SOX6: variants seen among roughly 807,000 people sequenced by gnomAD.
SOX6 encodes SRY-box transcription factor 6.
SOX6 carries 11 observed loss-of-function variants against 97.8 expected under a neutral mutation model. The observed-to-expected ratio is 0.11, with a 90% CI of 0.07 to 0.19. SOX6 has a LOEUF of 0.19. SOX6 is among the 10% of genes least tolerant of loss of function. SOX6 has a pLI of 1.00. For missense variants in SOX6, 810 were observed against 1,039.5 expected, an observed-to-expected ratio of 0.78 and a Z score of 3.04; for synonymous variants, 360 against 371.4, an observed-to-expected ratio of 0.97 and a Z score of 0.35.
chr11:16,167,999 A>G (rs970320511), intron 6 of SOX6, among the ~76,000 whole-genome samples: 31 of 152,298 alleles, frequency 2.0e-4, no homozygotes, highest in African/African-American at 7.2e-4. Context: ...GCTTAATGAA[A>G]GTTTGTCAAA....
intron 6 of SOX6, among the ~76,000 whole-genome samples, chr11:16,149,747 C>T (rs1850411352): frequency 6.6e-6 from 1 of 152,152 alleles, no homozygotes; most frequent in African/African-American, 2.4e-5. Flanking sequence ...GAGCAAGTGA[C>T]TTAGAAAGGC....
At chr11:16,547,063 TATC>T (rs1441047676) in intron 4 of SOX6, among the ~76,000 whole-genome samples, 1 of 152,184 alleles carries the variant, frequency 6.6e-6, no homozygotes, top group African/African-American at 2.4e-5. Flanking sequence ...CACAATGAGA[TATC>T]ATCTTGCCCC....
intron 1 of SOX6, among the ~76,000 whole-genome samples, chr11:16,362,173 T>C (rs994108547): frequency 6.6e-6 from 1 of 152,168 alleles, no homozygotes; most frequent in African/African-American, 2.4e-5. Context: ...AAGAGTATCT[T>C]GTGTTACAGA....
At chr11:16,025,509 C>T (rs1226559006) in intron 12 of SOX6, among the ~76,000 whole-genome samples, 2 of 152,066 alleles carry the variant, frequency 1.3e-5, no homozygotes, top group African/African-American at 4.8e-5. Flanking sequence ...ATGTCTTTGT[C>T]CAAAAAGGTA....
At chr11:16,545,971 A>G (rs1847616397) in intron 4 of SOX6, among the ~76,000 whole-genome samples, 1 of 152,162 alleles carries the variant, frequency 6.6e-6, no homozygotes, top group African/African-American at 2.4e-5. Flanking sequence ...ATAAATAAAT[A>G]CTCTTACCTC....
At chr11:16,539,192 A>T (rs886635296) in intron 4 of SOX6, among the ~76,000 whole-genome samples, 1 of 152,222 alleles carries the variant, frequency 6.6e-6, no homozygotes, top group African/African-American at 2.4e-5. Context: ...GCACAACTAC[A>T]TGGAAACTGA....
At chr11:16,223,840 C>T (rs554705072) in intron 4 of SOX6, among the ~76,000 whole-genome samples, 14 of 152,142 alleles carry the variant, frequency 9.2e-5, no homozygotes, top group African/African-American at 3.4e-4. Context: ...AGTTTTTCTT[C>T]TCCATGTTAG....
intron 4 of SOX6, among the ~76,000 whole-genome samples, chr11:16,581,362 A>G (rs754634765): frequency 9.2e-5 from 14 of 152,092 alleles, no homozygotes; most frequent in Non-Finnish European, 1.6e-4. Context: ...AAAACCAAAC[A>G]CTACATGTCC....
intron 15 of SOX6, among the ~76,000 whole-genome samples, chr11:15,981,136 C>T (rs1853642377): frequency 6.6e-6 from 1 of 151,976 alleles, no homozygotes; most frequent in South Asian, 2.1e-4. Context: ...AGCATTTTTT[C>T]CTTCCTTTAT....
intron 3 of SOX6, among the ~76,000 whole-genome samples, chr11:16,303,959 C>T (rs1203105724): frequency 2.0e-5 from 3 of 152,062 alleles, no homozygotes; most frequent in Admixed American, 6.6e-5. Flanking sequence ...CTCTGTTACC[C>T]AGGTTGGAGT....
At chr11:16,362,767 T>C (rs962358403) in intron 1 of SOX6, among the ~76,000 whole-genome samples, 8 of 152,124 alleles carry the variant, frequency 5.3e-5, no homozygotes, top group Admixed American at 2.6e-4. Flanking sequence ...TAAAATTTTC[T>C]GGGGAATCAA....
chr11:16,616,759 C>T (rs1848475203), intron 3 of SOX6, among the ~76,000 whole-genome samples: 1 of 151,764 alleles, frequency 6.6e-6, no homozygotes. Flanking sequence ...TTGGCACATA[C>T]TATTGAAATT....
chr11:16,286,916 G>C (rs1004466276), intron 3 of SOX6, among the ~76,000 whole-genome samples: 20 of 151,812 alleles, frequency 1.3e-4, no homozygotes, highest in Non-Finnish European at 2.5e-4. Flanking sequence ...AGGTCCATAA[G>C]GGCTCATCAT....
chr11:16,269,691 T>A (rs11023897), intron 3 of SOX6, among the ~76,000 whole-genome samples: 9 of 150,540 alleles, frequency 6.0e-5, no homozygotes, highest in African/African-American at 9.7e-5. Flanking sequence ...TTTAATCTTC[T>A]TTGTTGCTAC....
intron 3 of SOX6, among the ~76,000 whole-genome samples, chr11:16,247,835 C>G (rs546338594): frequency 6.6e-6 from 1 of 152,216 alleles, no homozygotes; most frequent in East Asian, 1.9e-4. Flanking sequence ...CAACAATGCC[C>G]TTCCCACAGT....
chr11:16,148,685 C>T (rs921346449), intron 6 of SOX6, among the ~76,000 whole-genome samples: 2 of 152,100 alleles, frequency 1.3e-5, no homozygotes, highest in African/African-American at 2.4e-5. Context: ...GGCGCACCCA[C>T]GCACACTAAA....
At chr11:16,599,133 CTT>C (rs1848241887) in intron 4 of SOX6, among the ~76,000 whole-genome samples, 1 of 152,224 alleles carries the variant, frequency 6.6e-6, no homozygotes, top group African/African-American at 2.4e-5. Flanking sequence ...ACGCAAAACT[CTT>C]AAAGGATTTA....
At chr11:16,476,304 C>G (rs916535900) in intron 1 of SOX6, 7 of 152,310 alleles carry the variant, frequency 4.6e-5, no homozygotes, top group African/African-American at 1.2e-4. Context: ...TAAAGATAAA[C>G]CAATACTTAC....
intron 4 of SOX6, among the ~76,000 whole-genome samples, chr11:16,484,890 G>C (rs189421125): frequency 6.6e-6 from 1 of 152,238 alleles, no homozygotes; most frequent in Non-Finnish European, 1.5e-5. Flanking sequence ...CTTTTATAAA[G>C]TTCAAATTTC....
Sources: allele counts gnomAD v4.1 joint callset (sites outside exome capture counted in the v4.1 genomes callset), GRCh38; gene constraint gnomAD v4.1.1; transcripts MANE v1.5; gene names NCBI Gene and HGNC (gene_info 2026-07-23, HGNC 2026-07-21).